Variants in ASB3 observed in about 807,000 individuals in gnomAD.
ASB3 encodes the protein ankyrin repeat and SOCS box protein 3.
ASB3 carries 41 observed loss-of-function variants against 54.5 expected under a neutral mutation model. That is an observed-to-expected ratio of 0.75 (90% CI 0.59 to 0.98). ASB3 has a LOEUF of 0.98. Among genes scored for constraint, ASB3 ranks in the 50% least tolerant of loss-of-function variants. ASB3 has a pLI of 0.00. For missense variants in ASB3, 733 were observed against 620.0 expected (o/e 1.18, Z -1.94); for synonymous variants, 266 against 221.2 (o/e 1.20, Z -1.80).
At chr2:53,736,734 G>A (rs1172091920) in intron 3 of ASB3, among the ~76,000 whole-genome samples, 1 of 150,322 alleles carries the variant, frequency 6.7e-6, no homozygotes, top group Non-Finnish European at 1.5e-5. Context: ...GGGCACAGTG[G>A]CTCATACCTG....
intron 9 of ASB3, among the ~76,000 whole-genome samples, chr2:53,692,684 T>C (rs1668980240): frequency 6.6e-6 from 1 of 152,186 alleles, no homozygotes; most frequent in Non-Finnish European, 1.5e-5. Flanking sequence ...TACTAATCGA[T>C]ATGTAGCAAT....
chr2:53,706,008 A>G (rs1669748834), intron 7 of ASB3, among the ~76,000 whole-genome samples: 1 of 152,306 alleles, frequency 6.6e-6, no homozygotes, highest in South Asian at 2.1e-4. Flanking sequence ...CACCCAAAAA[A>G]CTAGGGTTTT....
intron 2 of ASB3, among the ~76,000 whole-genome samples, chr2:53,753,008 C>G (rs537955818): frequency 6.6e-6 from 1 of 151,634 alleles, no homozygotes; most frequent in Non-Finnish European, 1.5e-5. Flanking sequence ...AATATTATGC[C>G]TTACAGCAGA....
intron 8 of ASB3, among the ~76,000 whole-genome samples, chr2:53,697,937 C>T (rs1669276054): frequency 6.6e-6 from 1 of 152,210 alleles, no homozygotes; most frequent in South Asian, 2.1e-4. Flanking sequence ...GCTGGTAGCT[C>T]TACAGTCCTG....
At chr2:53,677,997 A>G (rs1246610700) in intron 9 of ASB3, among the ~76,000 whole-genome samples, 2 of 152,038 alleles carry the variant, frequency 1.3e-5, no homozygotes, top group Non-Finnish European at 2.9e-5. Flanking sequence ...TAGCTTTTTA[A>G]AATTTTTATT....
rs114018624 is a variant in ASB3 at position 53,777,095 on chromosome 2, C to G, written c.-14+9726G>C. Among the ~76,000 whole-genome samples the G allele has an allele frequency of 7.5e-3, 1,142 of 152,310 alleles. 17 individuals carry two copies. Among genetic ancestry groups the G allele is most frequent in the African/African-American group, 0.026 (1,095 of 41,564 alleles). On this transcript the variant is annotated intron_variant, in intron 1 of 9. Transcript: ENST00000263634. Reference sequence around the variant, plus strand: ...ACTTAATTGTACTGAGCCTCCTTCTCTTTATAAATGGTTCGCCCACACATG... The same window carrying G: ...ACTTAATTGTACTGAGCCTCCTTCTGTTTATAAATGGTTCGCCCACACATG...
At chr2:53,773,241 T>C (rs1674070459) in intron 1 of ASB3, among the ~76,000 whole-genome samples, 1 of 151,852 alleles carries the variant, frequency 6.6e-6, no homozygotes. Flanking sequence ...GAAAGGCTCA[T>C]ATTTTTCATT....
At chr2:53,759,337 C>G (rs1673011028) in intron 2 of ASB3, among the ~76,000 whole-genome samples, 1 of 152,174 alleles carries the variant, frequency 6.6e-6, no homozygotes, top group Non-Finnish European at 1.5e-5. Flanking sequence ...AAGAAAAATC[C>G]TACCGCCTTT....
chr2:53,702,883 T>C (rs1669567720), intron 7 of ASB3, among the ~76,000 whole-genome samples: 1 of 152,234 alleles, frequency 6.6e-6, no homozygotes, highest in Non-Finnish European at 1.5e-5. Flanking sequence ...CCAACCAACT[T>C]ATTAGGTGAA....
intron 7 of ASB3, among the ~76,000 whole-genome samples, chr2:53,703,209 C>T (rs1669586186): frequency 6.6e-6 from 1 of 152,132 alleles, no homozygotes; most frequent in African/African-American, 2.4e-5. Context: ...CTTATATTTC[C>T]TCATTCGAGA....
chr2:53,774,308 G>A, intron 1 of ASB3: 3 of 1,613,842 alleles, frequency 1.9e-6, no homozygotes, highest in Non-Finnish European at 2.5e-6. Flanking sequence ...ATTGGAACAT[G>A]TGATAATCCT....
chr2:53,772,464 G>T (rs371164823), intron 1 of ASB3, among the ~76,000 whole-genome samples: 2 of 151,842 alleles, frequency 1.3e-5, no homozygotes, highest in Non-Finnish European at 2.9e-5. Context: ...ATGAGCCACC[G>T]CGCCCAGCCG....
At chr2:53,701,677 G>T (rs1201202480) in intron 7 of ASB3, among the ~76,000 whole-genome samples, 1 of 152,140 alleles carries the variant, frequency 6.6e-6, no homozygotes, top group Non-Finnish European at 1.5e-5. Flanking sequence ...AAGATAGGAT[G>T]AATGTATTTT....
At chr2:53,746,463 A>G (rs949613850) in intron 3 of ASB3, among the ~76,000 whole-genome samples, 1 of 148,332 alleles carries the variant, frequency 6.7e-6, no homozygotes, top group Non-Finnish European at 1.5e-5. Context: ...TCTTCCACAC[A>G]CTGTTTTTTG....
intron 8 of ASB3, among the ~76,000 whole-genome samples, chr2:53,696,926 T>A (rs895078111): frequency 6.6e-6 from 1 of 152,100 alleles, no homozygotes; most frequent in Non-Finnish European, 1.5e-5. Flanking sequence ...AGCAACTCCA[T>A]CTTGAATAGG....
intron 1 of ASB3, among the ~76,000 whole-genome samples, chr2:53,780,735 G>A (rs889891251): frequency 6.6e-6 from 1 of 151,996 alleles, no homozygotes; most frequent in Non-Finnish European, 1.5e-5. Context: ...CTATCATAAG[G>A]CCCCTACACT....
At chr2:53,710,334 G>C (rs543076607) in intron 7 of ASB3, among the ~76,000 whole-genome samples, 3 of 152,298 alleles carry the variant, frequency 2.0e-5, no homozygotes, top group South Asian at 4.1e-4. Flanking sequence ...GCAGATTATT[G>C]TATTTTTCCG....
rs553074829 is a variant in ASB3 at position 53,724,269 on chromosome 2, TAAAC to T, written c.604+4439_604+4442del. ...CAATATCTAGAATCTATAAGGAACT[TAAAC>T]AATTCAACAAGCAAAAAACAACCCC... On this transcript the variant is annotated intron_variant, in intron 5 of 9. Transcript: ENST00000263634. Among the ~76,000 whole-genome samples, 523 of 152,172 alleles carry T rather than the reference TAAAC, an allele frequency of 3.4e-3. 5 individuals are homozygous for T. The highest frequency in any genetic ancestry group is 0.012 in the African/African-American group (500 of 41,526).
At chr2:53,779,743 A>G (rs1674542604) in intron 1 of ASB3, among the ~76,000 whole-genome samples, 1 of 152,162 alleles carries the variant, frequency 6.6e-6, no homozygotes, top group African/African-American at 2.4e-5. Context: ...AGTCCAATCA[A>G]GTAATTTCTT....
Sources: allele counts gnomAD v4.1 joint callset (sites outside exome capture counted in the v4.1 genomes callset), GRCh38; gene constraint gnomAD v4.1.1; transcripts MANE v1.5; gene names NCBI Gene and HGNC (gene_info 2026-07-23, HGNC 2026-07-21).